Variants in GPC5 observed in about 807,000 individuals in gnomAD.
GPC5 encodes glypican 5, also known as glypican-5.
A neutral mutation model predicts 53.9 loss-of-function variants in GPC5; 47 were observed. The ratio of observed to expected loss-of-function variants is 0.87; its 90% CI spans 0.69 to 1.11. GPC5 has a LOEUF of 1.11. Among genes scored for constraint, GPC5 ranks in the 50% most tolerant of loss-of-function variants. GPC5 has a pLI of 0.00. For synonymous variants in GPC5, 286 were observed against 263.3 expected (o/e 1.09, Z -0.84); for missense variants, 748 against 713.1 (o/e 1.05, Z -0.56).
intron 7 of GPC5, among the ~76,000 whole-genome samples, chr13:92,605,420 G>A (rs1289421828): frequency 6.6e-6 from 1 of 152,114 alleles, no homozygotes; most frequent in African/African-American, 2.4e-5. Flanking sequence ...AATAAATTAT[G>A]TATGATGTTT....
intron 1 of GPC5, among the ~76,000 whole-genome samples, chr13:91,439,398 T>C (rs1880253005): frequency 6.6e-6 from 1 of 152,254 alleles, no homozygotes; most frequent in African/African-American, 2.4e-5. Flanking sequence ...CTTCTAAACT[T>C]CATTAACTAA....
chr13:91,649,351 G>T (rs1054595985), intron 2 of GPC5, among the ~76,000 whole-genome samples: 1 of 152,140 alleles, frequency 6.6e-6, no homozygotes, highest in African/African-American at 2.4e-5. Context: ...ACATTACACA[G>T]CTGGGACTGG....
At chr13:92,506,312 C>A (rs1451509129) in intron 7 of GPC5, among the ~76,000 whole-genome samples, 2 of 151,670 alleles carry the variant, frequency 1.3e-5, no homozygotes, top group Non-Finnish European at 2.9e-5. Flanking sequence ...TTCTAAGGAA[C>A]AATATTACAC....
At chr13:92,347,196 A>G (rs2043420415) in intron 7 of GPC5, among the ~76,000 whole-genome samples, 1 of 152,210 alleles carries the variant, frequency 6.6e-6, no homozygotes, top group South Asian at 2.1e-4. Context: ...TAGGAAGCAC[A>G]GAAGTCTTCA....
At chr13:92,783,002 T>C (rs1483935864) in intron 7 of GPC5, among the ~76,000 whole-genome samples, 2 of 152,180 alleles carry the variant, frequency 1.3e-5, no homozygotes, top group Admixed American at 6.5e-5. Context: ...AACTAAATTA[T>C]CTATAAACTT....
chr13:92,049,106 G>A (rs76597145), intron 6 of GPC5, among the ~76,000 whole-genome samples: 5,659 of 152,170 alleles, frequency 0.037, 148 homozygotes, highest in Middle Eastern at 0.054. Context: ...GAAAAGTCAC[G>A]GAGGGATAGC....
chr13:92,767,847 G>C (rs895905161), intron 7 of GPC5, among the ~76,000 whole-genome samples: 4 of 152,098 alleles, frequency 2.6e-5, no homozygotes, highest in Non-Finnish European at 4.4e-5. Flanking sequence ...ATTCCACCCA[G>C]TTGACACCCA....
chr13:91,787,895 A>G (rs1444380247), intron 5 of GPC5, among the ~76,000 whole-genome samples: 1 of 152,174 alleles, frequency 6.6e-6, no homozygotes, highest in African/African-American at 2.4e-5. Flanking sequence ...AACATGTATA[A>G]TATGATCCCC....
At chr13:91,885,472 G>A (rs7997428) in intron 5 of GPC5, among the ~76,000 whole-genome samples, 58,540 of 152,054 alleles carry the variant, frequency 0.38, 11,886 homozygotes, top group African/African-American at 0.5. Context: ...TGCTTTTGCT[G>A]TTCATCATTC....
chr13:92,497,553 G>A (rs944469900), intron 7 of GPC5, among the ~76,000 whole-genome samples: 1 of 152,072 alleles, frequency 6.6e-6, no homozygotes, highest in African/African-American at 2.4e-5. Flanking sequence ...CTCCATCTTT[G>A]TTCTTTTTGC....
intron 7 of GPC5, among the ~76,000 whole-genome samples, chr13:92,569,263 G>T (rs1882952254): frequency 6.6e-6 from 1 of 151,652 alleles, no homozygotes; most frequent in Non-Finnish European, 1.5e-5. Context: ...CATATGCATT[G>T]TTTCAATGAA....
At chr13:92,481,096 ATTTTTTTGCAT>A (rs1388137343) in intron 7 of GPC5, among the ~76,000 whole-genome samples, 1 of 131,504 alleles carries the variant, frequency 7.6e-6, no homozygotes, top group Admixed American at 8.4e-5. Context: ...TAATTTTTAT[ATTTTTTTGCAT>A]TTTTTTTTTT....
chr13:92,465,658 A>C (rs1027369858), intron 7 of GPC5, among the ~76,000 whole-genome samples: 7 of 152,078 alleles, frequency 4.6e-5, no homozygotes, highest in African/African-American at 1.7e-4. Flanking sequence ...AGATTCCTTC[A>C]AGCAAAACCA....
intron 7 of GPC5, among the ~76,000 whole-genome samples, chr13:92,781,672 T>A (rs1296643985): frequency 6.6e-6 from 1 of 152,176 alleles, no homozygotes; most frequent in Non-Finnish European, 1.5e-5. Context: ...TTAAATATGA[T>A]CATGATGCAA....
At chr13:91,783,504 G>T (rs1346722733) in intron 5 of GPC5, among the ~76,000 whole-genome samples, 11 of 152,110 alleles carry the variant, frequency 7.2e-5, no homozygotes, top group African/African-American at 2.7e-4. Flanking sequence ...AACAACCTCG[G>T]CTAACTGCAA....
intron 7 of GPC5, among the ~76,000 whole-genome samples, chr13:92,459,263 C>T (rs1878389638): frequency 6.6e-6 from 1 of 152,130 alleles, no homozygotes; most frequent in South Asian, 2.1e-4. Flanking sequence ...CAAAGACATA[C>T]TTCATATAAT....
At chr13:92,430,927 G>A (rs188294367) in intron 7 of GPC5, among the ~76,000 whole-genome samples, 34 of 152,180 alleles carry the variant, frequency 2.2e-4, no homozygotes, top group African/African-American at 8.2e-4. Flanking sequence ...CTAGTAAATA[G>A]TGACTTCTAA....
intron 2 of GPC5, among the ~76,000 whole-genome samples, chr13:91,606,695 T>C (rs2033379783): frequency 6.7e-6 from 1 of 149,822 alleles, no homozygotes. Context: ...AGAGTGTATG[T>C]GTCCAGGAAT....
intron 2 of GPC5, among the ~76,000 whole-genome samples, chr13:91,541,829 T>TA (rs1369403208): frequency 2.4e-5 from 2 of 85,040 alleles, no homozygotes; most frequent in African/African-American, 6.5e-5. Flanking sequence ...TAATTAATAA[T>TA]AAAAAAGCAG....
Sources: gnomAD v4.1 joint callset for allele counts (sites outside exome capture counted in the v4.1 genomes callset) on GRCh38, gnomAD v4.1.1 for gene constraint, MANE v1.5 for transcripts, NCBI Gene and HGNC (gene_info 2026-07-23, HGNC 2026-07-21) for gene names.